ARHGEF28: variants seen among roughly 807,000 people sequenced by gnomAD.
The protein encoded by ARHGEF28 is Rho guanine nucleotide exchange factor 28.
ARHGEF28 carries 152 observed loss-of-function variants against 206.6 expected under a neutral mutation model. That is an observed-to-expected ratio of 0.74 (90% CI 0.64 to 0.84). The LOEUF (loss-of-function observed/expected upper bound fraction) is 0.84. ARHGEF28 is among the 40% of genes least tolerant of loss of function. The pLI is 0.00. For synonymous variants in ARHGEF28, 763 were observed against 776.4 expected, an observed-to-expected ratio of 0.98 and a Z score of 0.29; for missense variants, 2,028 against 2,073.2, an observed-to-expected ratio of 0.98 and a Z score of 0.42.
intron 2 of ARHGEF28, among the ~76,000 whole-genome samples, chr5:73,689,663 G>T (rs561861760): frequency 6.6e-6 from 1 of 152,254 alleles, no homozygotes; most frequent in African/African-American, 2.4e-5. Flanking sequence ...ATATATATGA[G>T]CATTGCAAAT....
intron 35 of ARHGEF28, among the ~76,000 whole-genome samples, chr5:73,923,891 T>G (rs994240938): frequency 2.0e-5 from 3 of 152,208 alleles, no homozygotes; most frequent in Admixed American, 1.3e-4. Context: ...AACCCTAGCT[T>G]CTTCTGGTCA....
At chr5:73,651,667 C>A (rs1295652480) in intron 1 of ARHGEF28, among the ~76,000 whole-genome samples, 1 of 151,850 alleles carries the variant, frequency 6.6e-6, no homozygotes, top group African/African-American at 2.4e-5. Context: ...TTTTACATTA[C>A]TAATTTTTTT....
chr5:73,638,414 A>T (rs927347730), intron 1 of ARHGEF28, among the ~76,000 whole-genome samples: 2 of 152,236 alleles, frequency 1.3e-5, no homozygotes, highest in African/African-American at 4.8e-5. Context: ...GAAATGTTTG[A>T]TAAAGGTCTT....
intron 2 of ARHGEF28, among the ~76,000 whole-genome samples, chr5:73,700,914 G>C (rs1748559826): frequency 6.6e-6 from 1 of 152,060 alleles, no homozygotes; most frequent in African/African-American, 2.4e-5. Flanking sequence ...ATATCCCAAG[G>C]GTTAGTGGAA....
At chr5:73,626,358 C>T (rs1742998001) in intron 1 of ARHGEF28, 36 bp downstream of exon 1, 1 of 152,288 alleles carries the variant, frequency 6.6e-6, no homozygotes, top group Admixed American at 6.5e-5. Flanking sequence ...TCTGCGTTTC[C>T]CTGCAGCTCT....
chr5:73,798,556 G>A (rs1021609585), intron 9 of ARHGEF28, among the ~76,000 whole-genome samples: 1 of 152,176 alleles, frequency 6.6e-6, no homozygotes, highest in Admixed American at 6.5e-5. Flanking sequence ...GATGCTGTAA[G>A]GGGTCGGCAT....
chr5:73,887,344 T>C, intron 25 of ARHGEF28: 1 of 296,126 alleles, frequency 3.4e-6, no homozygotes, highest in Non-Finnish European at 6.2e-6. Flanking sequence ...CCTTTTTTAA[T>C]GGATATTTTT....
intron 2 of ARHGEF28, among the ~76,000 whole-genome samples, chr5:73,735,335 A>G (rs1056697644): frequency 6.6e-6 from 1 of 152,148 alleles, no homozygotes; most frequent in African/African-American, 2.4e-5. Flanking sequence ...CAATGTTAAG[A>G]ATTTCCTAAG....
chr5:73,723,016 A>G (rs575436931), intron 2 of ARHGEF28, among the ~76,000 whole-genome samples: 1 of 152,322 alleles, frequency 6.6e-6, no homozygotes, highest in Non-Finnish European at 1.5e-5. Context: ...GTATGAAGAT[A>G]TATTTTAGTC....
chr5:73,798,874 G>A (rs957038239), intron 9 of ARHGEF28, among the ~76,000 whole-genome samples: 5 of 151,860 alleles, frequency 3.3e-5, no homozygotes, highest in Non-Finnish European at 4.4e-5. Flanking sequence ...GAACACTTGA[G>A]GTCAGGAGTT....
chr5:73,627,968 C>T (rs180712740), intron 1 of ARHGEF28, among the ~76,000 whole-genome samples: 3 of 152,168 alleles, frequency 2.0e-5, no homozygotes, highest in East Asian at 3.9e-4. Flanking sequence ...TTAGACTTTC[C>T]TCTGAAGTAC....
intron 2 of ARHGEF28, among the ~76,000 whole-genome samples, chr5:73,697,440 G>T (rs1228168256): frequency 6.6e-6 from 1 of 152,184 alleles, no homozygotes; most frequent in African/African-American, 2.4e-5. Flanking sequence ...AGAACTAGAA[G>T]CTGGGAAGTC....
chr5:73,820,385 TG>T (rs1215092117), intron 9 of ARHGEF28, among the ~76,000 whole-genome samples: 3 of 152,062 alleles, frequency 2.0e-5, no homozygotes, highest in Admixed American at 6.6e-5. Context: ...TGGAGGTTAA[TG>T]GGGGGTGGAG....
chr5:73,930,336 A>T (rs1764037857), intron 35 of ARHGEF28, among the ~76,000 whole-genome samples: 1 of 152,150 alleles, frequency 6.6e-6, no homozygotes, highest in Admixed American at 6.5e-5. Context: ...TACTTTTCTG[A>T]TTACCAATGA....
At position 73,811,028 on chromosome 5, in the gene ARHGEF28, C is replaced by T. The variant is rs184095751; in HGVS notation, c.1024+15637C>T. On this transcript the variant is annotated intron_variant, in intron 9 of 35. Coordinates refer to ENST00000513042, the MANE Select transcript of ARHGEF28 (RefSeq NM_001177693.2). ...GTGTAGCAAGGAGCTACAAAACCCA[C>T]TCCTACCAATTCAGGATGAGGACTT... Among the ~76,000 whole-genome samples the T allele has an allele frequency of 7.6e-4, 115 of 152,316 alleles. 1 individual carries two copies. Among genetic ancestry groups the T allele is most frequent in the African/African-American group, 2.4e-3 (100 of 41,574 alleles).
chr5:73,650,571 C>A (rs1035548877), intron 1 of ARHGEF28, among the ~76,000 whole-genome samples: 1 of 152,022 alleles, frequency 6.6e-6, no homozygotes, highest in Non-Finnish European at 1.5e-5. Flanking sequence ...GTGTGAGCCA[C>A]CGCGCCCAGC....
chr5:73,719,791 G>A (rs752573718), intron 2 of ARHGEF28, among the ~76,000 whole-genome samples: 1 of 152,250 alleles, frequency 6.6e-6, no homozygotes, highest in Non-Finnish European at 1.5e-5. Context: ...CAAGGTGAAT[G>A]CTTGCCATTC....
At chr5:73,629,744 T>C (rs1003188359) in intron 1 of ARHGEF28, among the ~76,000 whole-genome samples, 1 of 152,166 alleles carries the variant, frequency 6.6e-6, no homozygotes, top group Admixed American at 6.5e-5. Flanking sequence ...AAGTATATAA[T>C]TGAATAGTGG....
At position 73,758,811 on chromosome 5, in the gene ARHGEF28, G is replaced by A. The variant is rs148107585; in HGVS notation, c.475+5609G>A. Reference sequence around the variant, plus strand: ...CAAGTGATTCACCCACCTCGGCCTCGCAAAGTGCCAAACCTGGTTTTGTAA... The same window carrying A: ...CAAGTGATTCACCCACCTCGGCCTCACAAAGTGCCAAACCTGGTTTTGTAA... On this transcript the variant is annotated intron_variant, in intron 4 of 35. Transcript: ENST00000513042. Among the ~76,000 whole-genome samples the A allele has an allele frequency of 2.4e-3, 367 of 152,176 alleles. 1 individual carries two copies. Among genetic ancestry groups the A allele is most frequent in the African/African-American group, 7.9e-3 (328 of 41,544 alleles).
Sources: gnomAD v4.1 joint callset for allele counts (sites outside exome capture counted in the v4.1 genomes callset) on GRCh38, gnomAD v4.1.1 for gene constraint, MANE v1.5 for transcripts, NCBI Gene and HGNC (gene_info 2026-07-23, HGNC 2026-07-21) for gene names.